The following LPP variants were observed in gnomAD, a reference collection of about 807,000 sequenced individuals.
The protein encoded by LPP is LIM domain containing preferred translocation partner in lipoma, also known as lipoma-preferred partner.
LPP carries 38 observed loss-of-function variants against 60.4 expected under a neutral mutation model. The observed-to-expected ratio is 0.63, with a 90% CI of 0.49 to 0.83. The LOEUF (loss-of-function observed/expected upper bound fraction) is 0.83. Among genes scored for constraint, LPP ranks in the 40% least tolerant of loss-of-function variants. LPP has a pLI of 0.00. For synonymous variants in LPP, 328 were observed against 290.8 expected, an observed-to-expected ratio of 1.13 and a Z score of -1.30; for missense variants, 902 against 783.6, an observed-to-expected ratio of 1.15 and a Z score of -1.80.
At chr3:188,271,094 G>A (rs1378409720) in intron 2 of LPP, among the ~76,000 whole-genome samples, 3 of 152,148 alleles carry the variant, frequency 2.0e-5, no homozygotes, top group Admixed American at 6.5e-5. Context: ...AATACTTTTT[G>A]TGGCTTGAAC....
intron 10 of LPP, among the ~76,000 whole-genome samples, chr3:188,870,651 G>A (rs748055852): frequency 3.3e-5 from 5 of 152,182 alleles, no homozygotes; most frequent in South Asian, 4.1e-4. Flanking sequence ...TTTAATCATC[G>A]AAAGTTGTTT....
chr3:188,270,420 C>A (rs566533208), intron 2 of LPP, among the ~76,000 whole-genome samples: 31 of 152,206 alleles, frequency 2.0e-4, no homozygotes, highest in African/African-American at 7.5e-4. Context: ...GAAGAATCTT[C>A]CTCTTCTCAA....
chr3:188,594,131 A>T (rs1839517538), intron 6 of LPP, among the ~76,000 whole-genome samples: 1 of 152,186 alleles, frequency 6.6e-6, no homozygotes, highest in African/African-American at 2.4e-5. Context: ...TGGTACTCAA[A>T]CTTAAGAATG....
In LPP at chr3:188,511,785, A is replaced by G. The variant is rs915310813; in HGVS notation, c.307-12880A>G. Among the ~76,000 whole-genome samples the G allele has an allele frequency of 2.0e-5, 3 of 152,256 alleles. No individual in the cohort carries two copies. The South Asian group carries it at 6.2e-4, about 32-fold the overall frequency. On this transcript the variant is annotated intron_variant, in intron 5 of 11. Transcript: ENST00000617246. The stretch of plus-strand genomic sequence containing the variant: ...CGTATATATGAAAATGCTTTTCTAA[A>G]CCTGAGCACTTCTCTGTGATAATGG...
intron 2 of LPP, chr3:188,247,117 T>G (rs1560153151): frequency 4.2e-6 from 4 of 942,246 alleles, no homozygotes; most frequent in Non-Finnish European, 5.1e-6. Context: ...GACCCATCTG[T>G]GAAATGGGGT....
chr3:188,318,418 C>CAAAA (rs397946048), intron 2 of LPP, among the ~76,000 whole-genome samples: 2,812 of 130,132 alleles, frequency 0.022, 40 homozygotes, highest in African/African-American at 0.044. Context: ...TCCAAAAAAA[C>CAAAA]AAAAAAAAAA....
intron 1 of LPP, chr3:188,179,929 T>C (rs1724417997): frequency 5.3e-6 from 1 of 189,312 alleles, no homozygotes; most frequent in Admixed American, 5.4e-5. Flanking sequence ...TAGGGGGTTG[T>C]TGGTTGGGTC....
intron 3 of LPP, among the ~76,000 whole-genome samples, chr3:188,375,435 G>A (rs1051295324): frequency 6.6e-6 from 1 of 152,114 alleles, no homozygotes; most frequent in African/African-American, 2.4e-5. Flanking sequence ...TTTAGGCTTG[G>A]GAGGATGTAT....
At chr3:188,647,611 G>A (rs1426213761) in intron 7 of LPP, among the ~76,000 whole-genome samples, 1 of 152,178 alleles carries the variant, frequency 6.6e-6, no homozygotes, top group East Asian at 1.9e-4. Context: ...ATGTGAGACA[G>A]AGAGTGCATT....
At chr3:188,273,191 C>G (rs988429687) in intron 2 of LPP, among the ~76,000 whole-genome samples, 1 of 152,210 alleles carries the variant, frequency 6.6e-6, no homozygotes, top group Admixed American at 6.5e-5. Context: ...TTGAATTAGT[C>G]ATGAATCATG....
At chr3:188,862,871 T>C (rs577846795) in intron 9 of LPP, among the ~76,000 whole-genome samples, 1 of 152,214 alleles carries the variant, frequency 6.6e-6, no homozygotes, top group East Asian at 1.9e-4. Flanking sequence ...GACTTTCTTT[T>C]TTTTCAAAAC....
chr3:188,542,357 T>G (rs547810168), intron 6 of LPP, among the ~76,000 whole-genome samples: 1 of 152,300 alleles, frequency 6.6e-6, no homozygotes, highest in Admixed American at 6.5e-5. Context: ...TTGTTAAACA[T>G]CATCTGTTTT....
At chr3:188,213,961 A>AACACACACACAC (rs59389556) in intron 1 of LPP, among the ~76,000 whole-genome samples, 3,479 of 130,340 alleles carry the variant, frequency 0.027, 92 homozygotes, top group South Asian at 0.052. Context: ...TTAGATTTTA[A>AACACACACACAC]ACACACACAC....
chr3:188,810,516 C>A (rs111298245), intron 9 of LPP, among the ~76,000 whole-genome samples: 121 of 152,164 alleles, frequency 8.0e-4, no homozygotes, highest in African/African-American at 2.8e-3. Context: ...ACTTTTATTA[C>A]AGGATATTGC....
chr3:188,661,754 A>G (rs1854623127), intron 7 of LPP, among the ~76,000 whole-genome samples: 1 of 152,214 alleles, frequency 6.6e-6, no homozygotes, highest in Non-Finnish European at 1.5e-5. Context: ...AACGCTTGAC[A>G]AAGATGCATT....
At chr3:188,867,321 T>C (rs1766914796) in intron 10 of LPP, among the ~76,000 whole-genome samples, 1 of 148,128 alleles carries the variant, frequency 6.8e-6, no homozygotes, top group Non-Finnish European at 1.5e-5. Flanking sequence ...TATATAAATA[T>C]ATTTATTTAT....
At chr3:188,353,718 T>G (rs1012654197) in intron 3 of LPP, among the ~76,000 whole-genome samples, 10 of 152,248 alleles carry the variant, frequency 6.6e-5, no homozygotes, top group African/African-American at 2.4e-4. Flanking sequence ...AAAAGAATTA[T>G]GGGGCCTCAG....
intron 1 of LPP, among the ~76,000 whole-genome samples, chr3:188,206,657 T>G (rs1733312546): frequency 6.6e-6 from 1 of 152,200 alleles, no homozygotes; most frequent in Non-Finnish European, 1.5e-5. Flanking sequence ...TTTCATCTCT[T>G]AGAAATGAGA....
chr3:188,370,538 G>A (rs774110939), intron 3 of LPP, among the ~76,000 whole-genome samples: 1 of 152,160 alleles, frequency 6.6e-6, no homozygotes, highest in Non-Finnish European at 1.5e-5. Flanking sequence ...CATCTCGATG[G>A]TAGGTTTTCT....
Sources: allele counts gnomAD v4.1 joint callset (sites outside exome capture counted in the v4.1 genomes callset), GRCh38; gene constraint gnomAD v4.1.1; transcripts MANE v1.5; gene names NCBI Gene and HGNC (gene_info 2026-07-23, HGNC 2026-07-21).